The following FAM81A variants were observed in gnomAD, a reference collection of about 807,000 sequenced individuals.
FAM81A encodes protein FAM81A.
FAM81A carries 19 observed loss-of-function variants against 46.7 expected under a neutral mutation model. The observed-to-expected ratio is 0.41, with a 90% CI of 0.28 to 0.60. The LOEUF (loss-of-function observed/expected upper bound fraction) is 0.60. Ranked by LOEUF, FAM81A falls within the 20% of genes least tolerant of loss-of-function variation. The pLI is 0.34. For missense variants in FAM81A, 377 were observed against 453.5 expected, an observed-to-expected ratio of 0.83 and a Z score of 1.53; for synonymous variants, 183 against 152.9, an observed-to-expected ratio of 1.20 and a Z score of -1.45.
rs548988756 is a variant in FAM81A at position 59,430,047 on chromosome 15, G to T, written c.-78+27689G>T. ...GAGAATAAACCAAAACAATAAAAAA[G>T]AAAAATAAACTAAACAGCTGAAAGC... is the stretch of plus-strand genomic sequence containing the variant. On this transcript the variant is annotated intron_variant, in intron 2 of 4. Transcript: ENST00000558348. Among the ~76,000 whole-genome samples, 8 of 152,144 alleles carry T rather than the reference G, an allele frequency of 5.3e-5. No homozygotes were observed. In the South Asian group the frequency reaches 1.5e-3, roughly 28 times the overall value.
chr15:59,488,995 G>A (rs2081951541), intron 3 of FAM81A, among the ~76,000 whole-genome samples: 1 of 152,090 alleles, frequency 6.6e-6, no homozygotes, highest in African/African-American at 2.4e-5. Context: ...GCTGGGTGCG[G>A]TGGCTCACGC....
chr15:59,452,620 C>T (rs1193669855), intron 1 of FAM81A, among the ~76,000 whole-genome samples: 2 of 152,224 alleles, frequency 1.3e-5, no homozygotes, highest in East Asian at 3.9e-4. Flanking sequence ...GTATTCTAAC[C>T]TGGGTGACAG....
At chr15:59,463,560 A>C (rs1390679626) in intron 3 of FAM81A, among the ~76,000 whole-genome samples, 1 of 152,110 alleles carries the variant, frequency 6.6e-6, no homozygotes, top group African/African-American at 2.4e-5. Flanking sequence ...GATTTTAAAA[A>C]GGCTGGGTGC....
intron 1 of FAM81A, among the ~76,000 whole-genome samples, chr15:59,449,888 G>A (rs1380891627): frequency 6.6e-6 from 1 of 150,538 alleles, no homozygotes; most frequent in Non-Finnish European, 1.5e-5. Context: ...ATTCACATTG[G>A]GACTTGTAAT....
At chr15:59,510,183 T>G (rs2082190405) in intron 6 of FAM81A, among the ~76,000 whole-genome samples, 1 of 152,004 alleles carries the variant, frequency 6.6e-6, no homozygotes, top group South Asian at 2.1e-4. Context: ...CTGGCTAACA[T>G]GGTGAAACCC....
At chr15:59,435,513 G>A (rs747936487), upstream of FAM81A, among the ~76,000 whole-genome samples, 5 of 152,004 alleles carry the variant, frequency 3.3e-5, no homozygotes, top group African/African-American at 4.8e-5. Context: ...CCAGCTACTC[G>A]GGAAGCTGAG....
intron 4 of FAM81A, among the ~76,000 whole-genome samples, chr15:59,506,547 C>A (rs570321952): frequency 6.6e-6 from 1 of 152,202 alleles, no homozygotes; most frequent in Non-Finnish European, 1.5e-5. Context: ...AGCTTCTTCT[C>A]AACAGAGGAA....
intron 6 of FAM81A, among the ~76,000 whole-genome samples, chr15:59,511,807 T>C (rs1444544476): frequency 6.6e-6 from 1 of 152,060 alleles, no homozygotes; most frequent in African/African-American, 2.4e-5. Flanking sequence ...CGTGCCACCA[T>C]GCCCAGCTAA....
intron 4 of FAM81A, among the ~76,000 whole-genome samples, chr15:59,503,370 T>C (rs1482161081): frequency 6.6e-6 from 1 of 151,840 alleles, no homozygotes; most frequent in Non-Finnish European, 1.5e-5. Context: ...TAGTTTATTA[T>C]ATACAATGGT....
chr15:59,454,792 A>G (rs866245174), intron 1 of FAM81A, among the ~76,000 whole-genome samples: 1 of 150,876 alleles, frequency 6.6e-6, no homozygotes, highest in Non-Finnish European at 1.5e-5. Context: ...TGCCCAGCTA[A>G]TTTTTTTTAT....
At chr15:59,467,693 C>T (rs773978525) in intron 3 of FAM81A, among the ~76,000 whole-genome samples, 8 of 152,114 alleles carry the variant, frequency 5.3e-5, no homozygotes, top group Admixed American at 2.6e-4. Flanking sequence ...AATTGAACAC[C>T]CTTTATTTAT....
intron 2 of FAM81A, 80 bp from the exon 3 acceptor site, chr15:59,459,853 A>G: frequency 1.4e-6 from 2 of 1,457,798 alleles, no homozygotes; most frequent in Non-Finnish European, 1.8e-6. Context: ...TTGTATTTCC[A>G]GACTTCTCTG....
chr15:59,503,860 A>G (rs1596537341), intron 4 of FAM81A, among the ~76,000 whole-genome samples: 1 of 152,224 alleles, frequency 6.6e-6, no homozygotes, highest in African/African-American at 2.4e-5. Flanking sequence ...GGTGTGAGCC[A>G]CTGTGCCCAG....
chr15:59,462,409 T>C (rs918493941), intron 3 of FAM81A, among the ~76,000 whole-genome samples: 3 of 152,166 alleles, frequency 2.0e-5, no homozygotes, highest in Non-Finnish European at 2.9e-5. Context: ...CTAATGATCT[T>C]GAACACCTTT....
chr15:59,440,285 G>A (rs533387936), intron 1 of FAM81A, among the ~76,000 whole-genome samples: 2 of 152,024 alleles, frequency 1.3e-5, no homozygotes, highest in South Asian at 4.2e-4. Context: ...GGGGCAGGGT[G>A]GGGGAGTAAG....
chr15:59,447,761 C>T (rs959868061), intron 1 of FAM81A, among the ~76,000 whole-genome samples: 15 of 151,932 alleles, frequency 9.9e-5, no homozygotes, highest in African/African-American at 3.6e-4. Flanking sequence ...AGCAATTTGG[C>T]AGGGGGAAAG....
At chr15:59,462,092 A>T (rs542785337) in intron 3 of FAM81A, among the ~76,000 whole-genome samples, 9 of 151,668 alleles carry the variant, frequency 5.9e-5, no homozygotes, top group African/African-American at 2.2e-4. Context: ...AGTCCCAGCT[A>T]CTCGGGAGGT....
chr15:59,437,902 T>C (rs2141573709), upstream of FAM81A, among the ~76,000 whole-genome samples: 1 of 152,114 alleles, frequency 6.6e-6, no homozygotes, highest in South Asian at 2.1e-4. Flanking sequence ...TCCAAGGCGC[T>C]TGGATGCGAG....
intron 1 of FAM81A, among the ~76,000 whole-genome samples, chr15:59,440,486 T>C (rs2081285721): frequency 1.3e-5 from 2 of 152,242 alleles, no homozygotes; most frequent in South Asian, 4.1e-4. Context: ...TCTTCTCTGC[T>C]TTGTCTCTTG....
Sources: allele counts gnomAD v4.1 joint callset (sites outside exome capture counted in the v4.1 genomes callset), GRCh38; gene constraint gnomAD v4.1.1; transcripts MANE v1.5; gene names NCBI Gene and HGNC (gene_info 2026-07-23, HGNC 2026-07-21).